The following HFM1 variants were observed in gnomAD, a reference collection of about 807,000 sequenced individuals.
The protein encoded by HFM1 is helicase for meiosis 1.
HFM1 carries 169 observed loss-of-function variants against 192.1 expected under a neutral mutation model. The observed-to-expected ratio is 0.88, with a 90% CI of 0.78 to 1.00. HFM1 has a LOEUF of 1.00. HFM1 is among the 50% of genes least tolerant of loss of function. The pLI, the probability that HFM1 is intolerant of heterozygous loss-of-function variation, is 0.00. For synonymous variants in HFM1, 525 were observed against 537.8 expected (o/e 0.98, Z 0.33); for missense variants, 1,661 against 1,668.0 (o/e 1.00, Z 0.07).
chr1:91,343,557 G>A (rs1415749089), intron 19 of HFM1, 47 bp from the exon 20 acceptor site: 1 of 737,492 alleles, frequency 1.4e-6, no homozygotes, highest in Non-Finnish European at 2.2e-6. Flanking sequence ...AAATAGGGAA[G>A]TAGGGAAAAA....
chr1:91,263,648 G>A (rs549483141), intron 36 of HFM1, among the ~76,000 whole-genome samples: 22 of 152,056 alleles, frequency 1.4e-4, no homozygotes, highest in Non-Finnish European at 2.5e-4. Flanking sequence ...AGCTACTTGG[G>A]AGGCCGAGGT....
chr1:91,288,362 C>T (rs1668268839), intron 30 of HFM1, among the ~76,000 whole-genome samples: 1 of 135,720 alleles, frequency 7.4e-6, no homozygotes, highest in African/African-American at 2.6e-5. Flanking sequence ...CAATATTCAA[C>T]ATTCTTTTTT....
chr1:91,399,469 C>T (rs554814700), intron 2 of HFM1, among the ~76,000 whole-genome samples: 1 of 152,154 alleles, frequency 6.6e-6, no homozygotes, highest in African/African-American at 2.4e-5. Context: ...TGGCTTTTAA[C>T]CCACAGTGAA....
At chr1:91,360,732 C>T (rs1658383624) in intron 13 of HFM1, among the ~76,000 whole-genome samples, 1 of 152,124 alleles carries the variant, frequency 6.6e-6, no homozygotes, top group Non-Finnish European at 1.5e-5. Flanking sequence ...TCAAATTCAA[C>T]AGAATATACA....
intron 28 of HFM1, among the ~76,000 whole-genome samples, chr1:91,314,445 A>C (rs1650913422): frequency 6.6e-6 from 1 of 152,076 alleles, no homozygotes; most frequent in Non-Finnish European, 1.5e-5. Flanking sequence ...TTTTGTAGAA[A>C]TAGGGTCTCA....
intron 13 of HFM1, among the ~76,000 whole-genome samples, chr1:91,359,310 G>A (rs551934729): frequency 6.6e-6 from 1 of 152,240 alleles, no homozygotes; most frequent in African/African-American, 2.4e-5. Flanking sequence ...ACTTCACTGA[G>A]CTAAAGGAGC....
At chr1:91,404,051 A>G (rs1201138803) in intron 1 of HFM1, among the ~76,000 whole-genome samples, 4 of 152,236 alleles carry the variant, frequency 2.6e-5, no homozygotes, top group Non-Finnish European at 5.9e-5. Flanking sequence ...GTAGGGACCA[A>G]CATTTACGGG....
At chr1:91,382,329 C>T (rs1462738473) in intron 6 of HFM1, among the ~76,000 whole-genome samples, 1 of 152,114 alleles carries the variant, frequency 6.6e-6, no homozygotes, top group Admixed American at 6.6e-5. Flanking sequence ...TTCTAAAAAA[C>T]TCTGACTTAT....
chr1:91,395,103 T>C (rs1663491193), intron 3 of HFM1, among the ~76,000 whole-genome samples: 1 of 152,124 alleles, frequency 6.6e-6, no homozygotes, highest in Non-Finnish European at 1.5e-5. Flanking sequence ...ATTTAAAAAT[T>C]AAAATTTTAC....
At chr1:91,344,685 C>T (rs1160759704) in intron 19 of HFM1, among the ~76,000 whole-genome samples, 8 of 448 alleles carry the variant, frequency 0.018, no homozygotes, top group South Asian at 0.25. Context: ...AATCTTTTTA[C>T]TAAACCTTAT....
chr1:91,309,297 G>A (rs1196061673), intron 30 of HFM1, among the ~76,000 whole-genome samples: 2 of 152,204 alleles, frequency 1.3e-5, no homozygotes, highest in Non-Finnish European at 2.9e-5. Flanking sequence ...CTGTAAGGTA[G>A]ACTGCCTATG....
intron 23 of HFM1, among the ~76,000 whole-genome samples, chr1:91,319,730 T>C (rs1412613033): frequency 6.6e-6 from 1 of 152,196 alleles, no homozygotes; most frequent in Non-Finnish European, 1.5e-5. Flanking sequence ...TACTTTAACC[T>C]CAACTATCTC....
At chr1:91,341,845 TG>T (rs33998920) in intron 20 of HFM1, among the ~76,000 whole-genome samples, 1 of 148,376 alleles carries the variant, frequency 6.7e-6, no homozygotes, top group African/African-American at 2.5e-5. Context: ...CTAGAAGAAA[TG>T]GGGAGATAGA....
Position 91,378,192 on chromosome 1 carries a change from G to T in HFM1, c.1237-9C>A, listed in dbSNP as rs1330463326. The T allele has an allele frequency of 6.4e-7, 1 of 1,554,002 alleles. No homozygotes were observed. Among genetic ancestry groups the T allele is most frequent in the South Asian group, 1.2e-5 (1 of 81,084 alleles). The stretch of plus-strand genomic sequence containing the variant: ...TCTTTTACAATATGTACCTAAGCAG[G>T]AAATCAAGAAAAAATCATTAGCTAT... On this transcript the variant is annotated splice_polypyrimidine_tract_variant and intron_variant, in intron 10 of 38. Coordinates refer to ENST00000370425, the MANE Select transcript of HFM1 (RefSeq NM_001017975.6).
chr1:91,261,315 A>C lies in HFM1; in HGVS notation c.4283T>G (p.Leu1428Trp). 1.4e-6 allele frequency: 2 copies of C among 1,418,476 alleles called. No individual in the cohort carries two copies. Among genetic ancestry groups the C allele is most frequent in the East Asian group, 5.3e-5 (2 of 37,660 alleles). The allele number at this position is 1,418,476 out of a possible 1,614,324, so 87.9% of individuals were successfully genotyped here. A position where few individuals can be genotyped will look rare whatever the true frequency, so the allele number is the denominator to read the frequency against. ...TTAGAAAATACCATCAAATATTCCC[A>C]ATAAAGACTTCATTTCATCAGCTTC... ...DDEADEMKSL[L>W]GIFDGIF is the part of the protein sequence containing the mutation. The change falls in exon 39 of 39, where the codon TTG becomes TGG. Residue 1428 changes from leucine to tryptophan, a missense_variant. By Grantham distance (61) the Leu-to-Trp change is moderately conservative (BLOSUM62 -2). Coordinates refer to ENST00000370425, the MANE Select transcript of HFM1 (RefSeq NM_001017975.6).
At chr1:91,400,151 T>C (rs1427138796) in intron 2 of HFM1, among the ~76,000 whole-genome samples, 1 of 152,074 alleles carries the variant, frequency 6.6e-6, no homozygotes, top group Non-Finnish European at 1.5e-5. Context: ...CTCATTAAAA[T>C]AGGATAATAC....
chr1:91,403,502 G>C (rs1244135600), intron 1 of HFM1, among the ~76,000 whole-genome samples: 1 of 151,884 alleles, frequency 6.6e-6, no homozygotes, highest in Non-Finnish European at 1.5e-5. Flanking sequence ...GTCCTAAAAG[G>C]GACCTTGCTA....
chr1:91,330,721 T>C (rs1653703730), intron 20 of HFM1, among the ~76,000 whole-genome samples: 1 of 152,206 alleles, frequency 6.6e-6, no homozygotes, highest in Admixed American at 6.5e-5. Context: ...TACAGGCCAA[T>C]ATCTTTGATG....
rs1326929130 is a variant in HFM1 at position 91,378,422 on chromosome 1, C to T, written c.1217G>A (p.Arg406Gln). The change falls in exon 10 of 39, where the codon CGA becomes CAA. Residue 406 changes from arginine (R) to glutamine (Q), a missense_variant. Physicochemically the swap from Arg to Gln is conservative, Grantham distance 43 (BLOSUM62 1). Transcript: ENST00000370425. ...CATTACCTCATCAATGAGAAACAGT[C>T]GAACCAGCTGAACCAAAGAGTTGTC... Reference protein sequence around the residue: ...WRDNSLVQLVRLFLIDEVHIV... With the variant: ...WRDNSLVQLVQLFLIDEVHIV... 4 of 1,603,414 alleles carry T rather than the reference C, an allele frequency of 2.5e-6. No homozygotes were observed. The highest frequency in any genetic ancestry group is 1.3e-5 in the African/African-American group (1 of 74,618).
Sources: gnomAD v4.1 joint callset for allele counts (sites outside exome capture counted in the v4.1 genomes callset) on GRCh38, gnomAD v4.1.1 for gene constraint, MANE v1.5 for transcripts, NCBI Gene and HGNC (gene_info 2026-07-23, HGNC 2026-07-21) for gene names.